The following INTS4 variants were observed in gnomAD, a reference collection of about 807,000 sequenced individuals.
The protein encoded by INTS4 is MSTP093.
Under a neutral mutation model 119.5 loss-of-function variants are expected in INTS4, and 70 were observed. That is an observed-to-expected ratio of 0.59 (90% CI 0.48 to 0.71). The LOEUF is 0.71. INTS4 is among the 30% of genes least tolerant of loss of function. INTS4 has a pLI of 0.00. For synonymous variants in INTS4, 316 were observed against 419.6 expected (o/e 0.75, Z 3.02); for missense variants, 867 against 1,173.2 (o/e 0.74, Z 3.81).
chr11:77,940,183 C>G (rs1402984046), intron 9 of INTS4, among the ~76,000 whole-genome samples: 3 of 152,084 alleles, frequency 2.0e-5, no homozygotes, highest in Non-Finnish European at 4.4e-5. Flanking sequence ...AATCCCAGCA[C>G]TTTGGGAGGC....
At chr11:77,992,025 T>A (rs1235781882) in intron 1 of INTS4, among the ~76,000 whole-genome samples, 1 of 151,302 alleles carries the variant, frequency 6.6e-6, no homozygotes, top group Non-Finnish European at 1.5e-5. Flanking sequence ...GGTTTTGCCA[T>A]GTTACCCAGG....
chr11:77,925,723 T>G (rs139860439), intron 11 of INTS4, among the ~76,000 whole-genome samples: 7 of 152,352 alleles, frequency 4.6e-5, no homozygotes, highest in African/African-American at 1.7e-4. Context: ...CACCTGTCCC[T>G]AATCCCCTCT....
intron 9 of INTS4, among the ~76,000 whole-genome samples, chr11:77,939,075 G>T (rs576785725): frequency 6.6e-6 from 1 of 152,200 alleles, no homozygotes; most frequent in Non-Finnish European, 1.5e-5. Context: ...TAAGAAAGTC[G>T]GTTATGTTTG....
At chr11:77,887,632 G>A (rs565170904) in intron 21 of INTS4, among the ~76,000 whole-genome samples, 17 of 152,260 alleles carry the variant, frequency 1.1e-4, no homozygotes, top group Non-Finnish European at 5.9e-5. Flanking sequence ...AAGTCAAATT[G>A]TCCCTGTTTG....
At chr11:77,888,394 C>T (rs1458525768) in intron 21 of INTS4, among the ~76,000 whole-genome samples, 2 of 152,160 alleles carry the variant, frequency 1.3e-5, no homozygotes, top group African/African-American at 4.8e-5. Context: ...AAACTGGATC[C>T]CTTCCTTATG....
At chr11:77,905,257 G>A (rs1450038434) in intron 16 of INTS4, among the ~76,000 whole-genome samples, 1 of 152,090 alleles carries the variant, frequency 6.6e-6, no homozygotes, top group Non-Finnish European at 1.5e-5. Context: ...AGGAGATGGA[G>A]ACCAGCCTGA....
At chr11:77,980,449 G>A (rs985704431) in intron 3 of INTS4, among the ~76,000 whole-genome samples, 7 of 152,084 alleles carry the variant, frequency 4.6e-5, no homozygotes, top group African/African-American at 9.7e-5. Context: ...GCATGATCAT[G>A]GCTCACTGCA....
chr11:77,984,281 T>C (rs188807149), intron 2 of INTS4, among the ~76,000 whole-genome samples: 5 of 152,092 alleles, frequency 3.3e-5, no homozygotes, highest in Middle Eastern at 3.4e-3. Context: ...TCACCCTACG[T>C]CAGGAAGTTT....
intron 14 of INTS4, among the ~76,000 whole-genome samples, chr11:77,921,050 A>G (rs1161333523): frequency 4.6e-5 from 7 of 152,132 alleles, no homozygotes; most frequent in Non-Finnish European, 8.8e-5. Flanking sequence ...AAAGAGCCCA[A>G]GAGAGAAAGA....
At chr11:77,891,043 C>A (rs540762064) in intron 21 of INTS4, among the ~76,000 whole-genome samples, 1 of 152,062 alleles carries the variant, frequency 6.6e-6, no homozygotes, top group Non-Finnish European at 1.5e-5. Context: ...TTTAGTGAAC[C>A]CTTACTGGGT....
At chr11:77,987,600 T>C (rs994156135) in intron 2 of INTS4, 1 of 448,820 alleles carries the variant, frequency 2.2e-6, no homozygotes, top group Admixed American at 2.4e-5. Flanking sequence ...ATGTGGTAGC[T>C]CACGTCTGTA....
chr11:77,973,872 C>T (rs1219097291), intron 4 of INTS4, among the ~76,000 whole-genome samples: 1 of 152,130 alleles, frequency 6.6e-6, no homozygotes, highest in Non-Finnish European at 1.5e-5. Flanking sequence ...TATTTGGATC[C>T]ACATTCATAA....
chr11:77,914,228 G>A lies in INTS4; in HGVS notation c.1922+4593C>T, dbSNP rs548477983. Among the ~76,000 whole-genome samples, 38 of 152,264 alleles carry A rather than the reference G, an allele frequency of 2.5e-4. No homozygotes were observed. The South Asian group carries it at 4.6e-3, about 18-fold the overall frequency. On this transcript the variant is annotated intron_variant, in intron 15 of 22. Coordinates refer to ENST00000534064, the MANE Select transcript of INTS4 (RefSeq NM_033547.4). ...CCAAACTTAGGACAGTGATCTGGCC[G>A]GCCACTGCCTAGCAAGACTATCATC...
At chr11:77,979,185 G>T in intron 3 of INTS4, 83 bp from the exon 4 acceptor site, 1 of 762,184 alleles carries the variant, frequency 1.3e-6, no homozygotes, top group South Asian at 1.4e-5. Flanking sequence ...AAAGAATGTA[G>T]ATTGGCTAGG....
intron 8 of INTS4, among the ~76,000 whole-genome samples, chr11:77,945,399 G>A (rs1954023833): frequency 6.6e-6 from 1 of 152,128 alleles, no homozygotes; most frequent in Non-Finnish European, 1.5e-5. Flanking sequence ...CTCACTACTA[G>A]TGTGCATCCT....
downstream of INTS4, among the ~76,000 whole-genome samples, chr11:77,875,183 G>T (rs1951562756): frequency 6.6e-6 from 1 of 152,194 alleles, no homozygotes; most frequent in African/African-American, 2.4e-5. Flanking sequence ...AGCATGCCAT[G>T]GTACTGCTAC....
intron 16 of INTS4, among the ~76,000 whole-genome samples, chr11:77,905,262 G>C (rs1278124995): frequency 1.3e-5 from 2 of 152,064 alleles, no homozygotes; most frequent in Non-Finnish European, 2.9e-5. Flanking sequence ...ATGGAGACCA[G>C]CCTGACCAAC....
At chr11:77,876,845 G>A (rs1951608966), downstream of INTS4, 2 of 618,830 alleles carry the variant, frequency 3.2e-6, no homozygotes, top group South Asian at 3.8e-5. Flanking sequence ...TATAAAAGGG[G>A]TACTTATCTG....
chr11:77,959,402 A>G (rs562820351), intron 6 of INTS4, among the ~76,000 whole-genome samples: 1 of 152,184 alleles, frequency 6.6e-6, no homozygotes, highest in South Asian at 2.1e-4. Flanking sequence ...GCAAACCTGA[A>G]CTCATTAAGG....
Sources: gnomAD v4.1 joint callset for allele counts (sites outside exome capture counted in the v4.1 genomes callset) on GRCh38, gnomAD v4.1.1 for gene constraint, MANE v1.5 for transcripts, NCBI Gene and HGNC (gene_info 2026-07-23, HGNC 2026-07-21) for gene names.